Variants in XKR9 observed in about 807,000 individuals in gnomAD.
XKR9 encodes XK-related protein 9.
XKR9 carries 32 observed loss-of-function variants against 32.0 expected under a neutral mutation model. That is an observed-to-expected ratio of 1.00 (90% CI 0.76 to 1.34). The LOEUF is 1.34. XKR9 is among the 40% of genes most tolerant of loss of function. XKR9 has a pLI of 0.00. For synonymous variants in XKR9, 168 were observed against 143.4 expected, an observed-to-expected ratio of 1.17 and a Z score of -1.22; for missense variants, 546 against 429.7, an observed-to-expected ratio of 1.27 and a Z score of -2.39.
At chr8:70,730,425 T>C (rs140100954) in intron 4 of XKR9, among the ~76,000 whole-genome samples, 1 of 152,302 alleles carries the variant, frequency 6.6e-6, no homozygotes, top group East Asian at 1.9e-4. Flanking sequence ...AAAATTCTTT[T>C]AAATTTCTTA....
Position 70,734,512 on chromosome 8 carries a change from T to C in XKR9, c.*88T>C. ...TGTTATGTGGGTGTGTTGTCTCTTA[T>C]TTTTGCCACCTTTAATTTGAAATTA... On this transcript the variant is annotated 3_prime_UTR_variant, in exon 5 of 5. Coordinates refer to ENST00000408926, the MANE Select transcript of XKR9 (RefSeq NM_001011720.2). 1 of 1,376,376 alleles carries C rather than the reference T, an allele frequency of 7.3e-7. No individual in the cohort carries two copies. 85.3% of individuals were successfully genotyped at this position (1,376,376 alleles called of 1,614,324 possible).
At chr8:70,942,171 G>A in the XKR9 span, among the ~76,000 whole-genome samples, 4 of 152,232 alleles carry the variant, frequency 2.6e-5, no homozygotes, top group African/African-American at 9.6e-5. Flanking sequence ...TTAAGAAATT[G>A]TCACTAGCAA....
chr8:70,683,146 C>T (rs943356260), intron 3 of XKR9, among the ~76,000 whole-genome samples: 4 of 152,260 alleles, frequency 2.6e-5, no homozygotes, highest in African/African-American at 7.2e-5. Flanking sequence ...ATTGCTTTGC[C>T]GGGAGCATTG....
the XKR9 span, among the ~76,000 whole-genome samples, chr8:70,856,123 A>G: frequency 6.6e-6 from 1 of 152,218 alleles, no homozygotes; most frequent in Non-Finnish European, 1.5e-5. Flanking sequence ...ATGCACACAT[A>G]ACAATATAAA....
At chr8:70,729,728 A>G (rs781659897) in intron 4 of XKR9, among the ~76,000 whole-genome samples, 17 of 152,200 alleles carry the variant, frequency 1.1e-4, no homozygotes, top group Non-Finnish European at 1.8e-4. Context: ...TAATGACATC[A>G]TATACTAAGT....
the XKR9 span, among the ~76,000 whole-genome samples, chr8:70,911,399 T>A: frequency 6.6e-6 from 1 of 152,196 alleles, no homozygotes; most frequent in South Asian, 2.1e-4. Context: ...ATAATGTATT[T>A]TTGATGGTGC....
At chr8:70,810,805 C>A in the XKR9 span, among the ~76,000 whole-genome samples, 1 of 152,114 alleles carries the variant, frequency 6.6e-6, no homozygotes, top group East Asian at 1.9e-4. Context: ...CCTTAGAGAC[C>A]TACAAAGAGA....
At chr8:71,021,856 A>C in the XKR9 span, among the ~76,000 whole-genome samples, 1 of 152,098 alleles carries the variant, frequency 6.6e-6, no homozygotes, top group Admixed American at 6.5e-5. Context: ...TGATTCATCC[A>C]TTTTTATTTT....
chr8:70,734,438 G>T lies in XKR9; in HGVS notation c.*14G>T. On this transcript the variant is annotated 3_prime_UTR_variant, in exon 5 of 5. Coordinates refer to ENST00000408926, the MANE Select transcript of XKR9 (RefSeq NM_001011720.2). ...CTAATGGAATAAGCTATTCATTTAT[G>T]ATATATATTTTCTTATATTTTGTTT... is the stretch of plus-strand genomic sequence containing the variant. 2 of 1,501,048 alleles carry T rather than the reference G, an allele frequency of 1.3e-6. No homozygotes were observed. The highest frequency in any genetic ancestry group is 1.4e-5 in the South Asian group (1 of 71,554). 93.0% of individuals were successfully genotyped at this position (1,501,048 alleles called of 1,614,324 possible).
chr8:70,766,024 G>A (rs1807370721), intron 2 of XKR9, among the ~76,000 whole-genome samples: 1 of 152,006 alleles, frequency 6.6e-6, no homozygotes, highest in Non-Finnish European at 1.5e-5. Flanking sequence ...AGTATTGTTT[G>A]AGTCAGGTAG....
chr8:70,960,755 C>T, the XKR9 span, among the ~76,000 whole-genome samples: 1 of 151,790 alleles, frequency 6.6e-6, no homozygotes, highest in Non-Finnish European at 1.5e-5. Flanking sequence ...GCCTGTAGTC[C>T]CATCTACTTG....
intron 2 of XKR9, among the ~76,000 whole-genome samples, chr8:70,747,947 T>C (rs1446050064): frequency 6.6e-6 from 1 of 152,174 alleles, no homozygotes; most frequent in Non-Finnish European, 1.5e-5. Flanking sequence ...AGATACTATA[T>C]GTGATGGTGT....
chr8:70,771,136 G>A (rs1374843410), intron 2 of XKR9, among the ~76,000 whole-genome samples: 1 of 152,140 alleles, frequency 6.6e-6, no homozygotes, highest in Middle Eastern at 3.2e-3. Context: ...TCATGGCATA[G>A]TCCCTCAAAG....
chr8:70,713,377 G>T (rs1309929075), intron 4 of XKR9, among the ~76,000 whole-genome samples: 1 of 152,100 alleles, frequency 6.6e-6, no homozygotes, highest in East Asian at 1.9e-4. Context: ...TATTTGAAAA[G>T]TTAGTCACTC....
the XKR9 span, among the ~76,000 whole-genome samples, chr8:70,858,160 A>G: frequency 6.6e-5 from 10 of 152,184 alleles, no homozygotes; most frequent in Admixed American, 4.6e-4. Context: ...CAATTAGGAA[A>G]TGAGGAAGTC....
the XKR9 span, among the ~76,000 whole-genome samples, chr8:71,037,044 A>C: frequency 6.6e-6 from 1 of 152,010 alleles, no homozygotes; most frequent in South Asian, 2.1e-4. Flanking sequence ...TAGTTGTGTT[A>C]CTGATAATCA....
the XKR9 span, among the ~76,000 whole-genome samples, chr8:71,005,981 T>C: frequency 2.0e-5 from 3 of 152,382 alleles, no homozygotes; most frequent in East Asian, 5.8e-4. Flanking sequence ...GAGTTTGGGA[T>C]GACACATCCT....
At chr8:70,803,109 C>T in the XKR9 span, among the ~76,000 whole-genome samples, 1 of 152,118 alleles carries the variant, frequency 6.6e-6, no homozygotes, top group Non-Finnish European at 1.5e-5. Flanking sequence ...GATTTGGTCT[C>T]TTTATGTAAT....
At chr8:70,847,048 C>T in the XKR9 span, among the ~76,000 whole-genome samples, 2 of 152,038 alleles carry the variant, frequency 1.3e-5, no homozygotes, top group African/African-American at 2.4e-5. Flanking sequence ...ACATTCTTCT[C>T]ATCAACACAT....
Sources: gnomAD v4.1 joint callset for allele counts (sites outside exome capture counted in the v4.1 genomes callset) on GRCh38, gnomAD v4.1.1 for gene constraint, MANE v1.5 for transcripts, NCBI Gene and HGNC (gene_info 2026-07-23, HGNC 2026-07-21) for gene names.